The following SETBP1 variants were observed in gnomAD, a reference collection of about 807,000 sequenced individuals.
The protein encoded by SETBP1 is SET-binding protein.
In SETBP1, 9 loss-of-function variants were observed where a neutral mutation model predicts 101.0. The ratio of observed to expected loss-of-function variants is 0.09; its 90% CI spans 0.05 to 0.16. The LOEUF is 0.16. Ranked by LOEUF, SETBP1 falls within the 10% of genes least tolerant of loss-of-function variation. The probability of loss-of-function intolerance (pLI) is 1.00; values close to 1 mark genes in which losing one functional copy is unlikely to be tolerated. For synonymous variants in SETBP1, 818 were observed against 788.5 expected (o/e 1.04, Z -0.63); for missense variants, 1,858 against 2,033.8 (o/e 0.91, Z 1.66).
chr18:44,862,426 A>G (rs543553227), intron 2 of SETBP1, among the ~76,000 whole-genome samples: 1 of 152,354 alleles, frequency 6.6e-6, no homozygotes, highest in Non-Finnish European at 1.5e-5. Context: ...AAAAGGACAC[A>G]GTTCAGCTAG....
intron 3 of SETBP1, among the ~76,000 whole-genome samples, chr18:44,944,131 GC>G (rs2071150364): frequency 6.6e-6 from 1 of 152,106 alleles, no homozygotes; most frequent in African/African-American, 2.4e-5. Flanking sequence ...ACTGCGCCTG[GC>G]CTGTCTGGTC....
At chr18:44,769,169 A>G (rs1016274423) in intron 2 of SETBP1, among the ~76,000 whole-genome samples, 2 of 152,258 alleles carry the variant, frequency 1.3e-5, no homozygotes, top group Non-Finnish European at 2.9e-5. Flanking sequence ...AATGAATTCA[A>G]GGGTCCCAGC....
intron 2 of SETBP1, among the ~76,000 whole-genome samples, chr18:44,777,703 C>T (rs1289260976): frequency 2.6e-5 from 4 of 152,164 alleles, no homozygotes; most frequent in African/African-American, 7.2e-5. Flanking sequence ...CTCTGGGCTC[C>T]GTATCAGTTC....
chr18:44,996,322 A>G (rs989071853), intron 4 of SETBP1, among the ~76,000 whole-genome samples: 13 of 152,308 alleles, frequency 8.5e-5, no homozygotes, highest in Admixed American at 3.9e-4. Flanking sequence ...CAGATTGTCA[A>G]TACAGCAAGG....
chr18:44,826,788 G>C (rs1259525640), intron 2 of SETBP1, among the ~76,000 whole-genome samples: 1 of 152,148 alleles, frequency 6.6e-6, no homozygotes, highest in Non-Finnish European at 1.5e-5. Context: ...AGGAACCAAG[G>C]AATGATTCCA....
chr18:44,877,996 G>A (rs1233703739), intron 3 of SETBP1, among the ~76,000 whole-genome samples: 1 of 152,192 alleles, frequency 6.6e-6, no homozygotes, highest in African/African-American at 2.4e-5. Context: ...ATGTGCAGAA[G>A]GTCACGTGTG....
rs78854090 is a variant in SETBP1, at chr18:44,982,625, T to C, written c.4000+29285T>C. 1.3e-3 allele frequency among the ~76,000 whole-genome samples: 198 copies of C among 152,336 alleles called. 4 individuals carry two copies. Among genetic ancestry groups the C allele is most frequent in the East Asian group, 8.9e-3 (46 of 5,190 alleles). The stretch of plus-strand genomic sequence containing the variant: ...AAGTAGTCATCAACATAGATAAATA[T>C]AGAGACTGAAAGCTCTATCATTTAT... On this transcript the variant is annotated intron_variant, in intron 4 of 5. Transcript: ENST00000649279.
intron 1 of SETBP1, among the ~76,000 whole-genome samples, 159 bp downstream of exon 1, chr18:44,681,180 T>C (rs1354223635): frequency 6.6e-6 from 1 of 152,202 alleles, no homozygotes; most frequent in African/African-American, 2.4e-5. Flanking sequence ...GCACGCATTG[T>C]GTGCGTTTCT....
intron 2 of SETBP1, among the ~76,000 whole-genome samples, chr18:44,756,517 A>C (rs1288916435): frequency 6.6e-6 from 1 of 152,208 alleles, no homozygotes; most frequent in Non-Finnish European, 1.5e-5. Flanking sequence ...ATTGCTGCCC[A>C]GCCACAAGCC....
At chr18:44,928,311 T>C (rs1034017414) in intron 3 of SETBP1, among the ~76,000 whole-genome samples, 8 of 152,256 alleles carry the variant, frequency 5.3e-5, no homozygotes, top group African/African-American at 1.9e-4. Context: ...TGCCACATTT[T>C]CTTAATCCAG....
At chr18:45,048,506 C>A (rs966391654) in intron 5 of SETBP1, among the ~76,000 whole-genome samples, 1 of 152,168 alleles carries the variant, frequency 6.6e-6, no homozygotes, top group Non-Finnish European at 1.5e-5. Flanking sequence ...CTCACTCCCC[C>A]TTCCAAATAC....
At chr18:45,042,855 G>A (rs933667704) in intron 5 of SETBP1, among the ~76,000 whole-genome samples, 1 of 152,128 alleles carries the variant, frequency 6.6e-6, no homozygotes, top group Non-Finnish European at 1.5e-5. Flanking sequence ...AGTGGCTGCC[G>A]GAGGTGCTCA....
intron 2 of SETBP1, among the ~76,000 whole-genome samples, chr18:44,808,290 T>C (rs1344380478): frequency 6.6e-6 from 1 of 152,220 alleles, no homozygotes; most frequent in Non-Finnish European, 1.5e-5. Context: ...TCTTTATAAA[T>C]CTTTGTTTCT....
intron 3 of SETBP1, among the ~76,000 whole-genome samples, chr18:44,906,460 C>G (rs1377538499): frequency 3.3e-5 from 5 of 152,134 alleles, no homozygotes; most frequent in Non-Finnish European, 7.4e-5. Flanking sequence ...TTTAGACAAA[C>G]CATTCCTCAT....
Position 44,950,009 on chromosome 18 carries a change from C to G in SETBP1, c.669C>G (p.Ser223=), listed in dbSNP as rs767087990. The part of the protein sequence containing the change: ...KSSSQNHMDW[S]TNSDSGPVTQ... ...GCAGCCAGAACCACATGGACTGGTC[C>G]ACCAACTCTGACAGCGGACCCGTCA... Residue 223 remains serine (S), a synonymous_variant, in exon 4 of 6, where the codon TCC becomes TCG. Coordinates refer to ENST00000649279, the MANE Select transcript of SETBP1 (RefSeq NM_015559.3). 6.2e-7 allele frequency: 1 copy of G among 1,614,170 alleles called. No individual in the cohort carries two copies. Among genetic ancestry groups the G allele is most frequent in the Non-Finnish European group, 8.5e-7 (1 of 1,180,012 alleles).
chr18:44,891,542 C>T (rs551127112), intron 3 of SETBP1, among the ~76,000 whole-genome samples: 2 of 152,216 alleles, frequency 1.3e-5, no homozygotes, highest in East Asian at 3.9e-4. Flanking sequence ...TTTGCACCAG[C>T]CACAGCTTCT....
intron 2 of SETBP1, among the ~76,000 whole-genome samples, chr18:44,807,260 G>A (rs1027239716): frequency 6.6e-6 from 1 of 151,926 alleles, no homozygotes; most frequent in African/African-American, 2.4e-5. Context: ...TATTTGCACT[G>A]TAGATCTAAA....
At chr18:45,049,384 TG>T (rs1335606337) in intron 5 of SETBP1, among the ~76,000 whole-genome samples, 2 of 152,120 alleles carry the variant, frequency 1.3e-5, no homozygotes, top group Non-Finnish European at 2.9e-5. Context: ...TGACCGGCAA[TG>T]ATAGCAAAAT....
intron 2 of SETBP1, among the ~76,000 whole-genome samples, chr18:44,787,238 T>C (rs878901675): frequency 6.6e-6 from 1 of 152,220 alleles, no homozygotes; most frequent in South Asian, 2.1e-4. Context: ...TGATATAGCT[T>C]AATTCAATAT....
Sources: allele counts gnomAD v4.1 joint callset (sites outside exome capture counted in the v4.1 genomes callset), GRCh38; gene constraint gnomAD v4.1.1; transcripts MANE v1.5; gene names NCBI Gene and HGNC (gene_info 2026-07-23, HGNC 2026-07-21).